TESK2: variants seen among roughly 807,000 people sequenced by gnomAD.
TESK2 encodes testis associated actin remodelling kinase 2.
In TESK2, 39 loss-of-function variants were observed where a neutral mutation model predicts 57.1. That is an observed-to-expected ratio of 0.68 (90% confidence interval 0.53 to 0.89). The LOEUF (loss-of-function observed/expected upper bound fraction) is 0.89, where lower values mean the gene tolerates loss of function less well. Among genes scored for constraint, TESK2 ranks in the 40% least tolerant of loss-of-function variants. TESK2 has a pLI of 0.00. For missense variants in TESK2, 646 were observed against 732.1 expected (o/e 0.88, Z 1.36); for synonymous variants, 249 against 267.9 (o/e 0.93, Z 0.69).
chr1:45,477,877 C>A (rs1653061476), intron 1 of TESK2, among the ~76,000 whole-genome samples: 1 of 152,178 alleles, frequency 6.6e-6, no homozygotes, highest in Non-Finnish European at 1.5e-5. Flanking sequence ...GTAGTGTTGA[C>A]TTTCTGCCTC....
At chr1:45,421,348 A>T (rs1388180735) in intron 3 of TESK2, among the ~76,000 whole-genome samples, 28 of 152,224 alleles carry the variant, frequency 1.8e-4, no homozygotes, top group Admixed American at 1.8e-3. Context: ...TTTTACATTT[A>T]TTGCCACTCA....
chr1:45,350,579 G>C (rs1298629545), intron 5 of TESK2, among the ~76,000 whole-genome samples: 1 of 152,242 alleles, frequency 6.6e-6, no homozygotes, highest in African/African-American at 2.4e-5. Context: ...AGGGAGATCA[G>C]TGACCGAACT....
chr1:45,429,226 C>T (rs906976957), intron 2 of TESK2, among the ~76,000 whole-genome samples: 8 of 152,036 alleles, frequency 5.3e-5, no homozygotes, highest in African/African-American at 1.7e-4. Flanking sequence ...TGGGGAAAAC[C>T]CATCTCTTAA....
At chr1:45,387,258 C>T (rs559261788) in intron 3 of TESK2, among the ~76,000 whole-genome samples, 25 of 152,196 alleles carry the variant, frequency 1.6e-4, no homozygotes, top group Non-Finnish European at 2.6e-4. Context: ...TAACTAAATG[C>T]TTACACACAG....
intron 2 of TESK2, among the ~76,000 whole-genome samples, chr1:45,455,221 A>T (rs962001370): frequency 6.6e-6 from 1 of 152,150 alleles, no homozygotes; most frequent in African/African-American, 2.4e-5. Flanking sequence ...CTATAACAGG[A>T]TCTCTGACAT....
rs1382210322 is a variant in TESK2 at position 45,479,800 on chromosome 1, G to A, written c.-87+11052C>T. 4.1e-5 allele frequency among the ~76,000 whole-genome samples: 6 copies of A among 146,066 alleles called. No homozygotes were observed. The Admixed American group carries it at 4.2e-4, about 10-fold the overall frequency. On this transcript the variant is annotated intron_variant, in intron 1 of 10. Transcript: ENST00000372086. ...GATTAAAAAAATAAAGGACTGAAATGCAGAAGGCCCTTCTTTTTTTTTTTT... is the reference window on the plus strand; with the variant it reads ...GATTAAAAAAATAAAGGACTGAAATACAGAAGGCCCTTCTTTTTTTTTTTT...
At chr1:45,481,083 C>T (rs1341833180) in intron 1 of TESK2, among the ~76,000 whole-genome samples, 1 of 148,818 alleles carries the variant, frequency 6.7e-6, no homozygotes, top group African/African-American at 2.5e-5. Flanking sequence ...AGTAAATAAG[C>T]GGCCGGGCCT....
chr1:45,442,357 T>C (rs1353242456), intron 2 of TESK2, among the ~76,000 whole-genome samples: 1 of 152,204 alleles, frequency 6.6e-6, no homozygotes, highest in East Asian at 1.9e-4. Flanking sequence ...TTTTATAGTT[T>C]TCACAATACA....
intron 1 of TESK2, among the ~76,000 whole-genome samples, chr1:45,488,129 G>A (rs957424658): frequency 6.6e-6 from 1 of 151,976 alleles, no homozygotes; most frequent in Non-Finnish European, 1.5e-5. Flanking sequence ...GCCCATGCTG[G>A]TCGCAAACTC....
chr1:45,354,954 C>T (rs1284026606), intron 5 of TESK2, among the ~76,000 whole-genome samples: 1 of 150,946 alleles, frequency 6.6e-6, no homozygotes, highest in Non-Finnish European at 1.5e-5. Context: ...GAGGCCAAGG[C>T]GGGTGGATTG....
intron 5 of TESK2, among the ~76,000 whole-genome samples, chr1:45,348,250 T>C (rs918719342): frequency 5.9e-5 from 9 of 152,218 alleles, no homozygotes; most frequent in African/African-American, 2.2e-4. Context: ...TCATCTTTGC[T>C]TTCTAAGTGC....
intron 4 of TESK2, among the ~76,000 whole-genome samples, chr1:45,373,199 T>C (rs1024422912): frequency 6.6e-6 from 1 of 152,074 alleles, no homozygotes; most frequent in African/African-American, 2.4e-5. Flanking sequence ...ATAGAGACTA[T>C]AGATTTAAAG....
chr1:45,395,911 T>C (rs1202787788), intron 3 of TESK2, among the ~76,000 whole-genome samples: 1 of 152,130 alleles, frequency 6.6e-6, no homozygotes, highest in African/African-American at 2.4e-5. Context: ...TATAAACGCT[T>C]GTTAGTCTTT....
chr1:45,420,708 C>T (rs895717669), intron 3 of TESK2, among the ~76,000 whole-genome samples: 1 of 151,776 alleles, frequency 6.6e-6, no homozygotes, highest in Non-Finnish European at 1.5e-5. Flanking sequence ...CCTCAGCCTC[C>T]CAAGTGGCTG....
chr1:45,417,677 T>C (rs983277219), intron 3 of TESK2, among the ~76,000 whole-genome samples: 1 of 151,992 alleles, frequency 6.6e-6, no homozygotes, highest in Non-Finnish European at 1.5e-5. Flanking sequence ...CTGCAAGCTC[T>C]GCCTCCAGGG....
intron 3 of TESK2, among the ~76,000 whole-genome samples, chr1:45,386,345 CAAAAAAAAA>C (rs11314981): frequency 0.011 from 510 of 46,018 alleles, 2 homozygotes; most frequent in African/African-American, 0.037. Context: ...GACTTTGACT[CAAAAAAAAA>C]AAAAAAAAAA....
At chr1:45,417,065 C>T (rs1264928374) in intron 3 of TESK2, among the ~76,000 whole-genome samples, 3 of 152,168 alleles carry the variant, frequency 2.0e-5, no homozygotes, top group African/African-American at 7.2e-5. Flanking sequence ...GGATTACAGG[C>T]ATGAGCCACT....
intron 1 of TESK2, among the ~76,000 whole-genome samples, chr1:45,489,239 C>T (rs1334053019): frequency 6.6e-6 from 1 of 152,008 alleles, no homozygotes; most frequent in African/African-American, 2.4e-5. Context: ...CTTTCTTTGG[C>T]TCCTATTATA....
intron 3 of TESK2, chr1:45,413,909 A>G (rs1181901992): frequency 4.4e-6 from 2 of 452,668 alleles, no homozygotes; most frequent in Non-Finnish European, 8.9e-6. Context: ...GCTTGAAAAT[A>G]GACTAAGAGC....
Sources: gnomAD v4.1 joint callset for allele counts (sites outside exome capture counted in the v4.1 genomes callset) on GRCh38, gnomAD v4.1.1 for gene constraint, MANE v1.5 for transcripts, NCBI Gene and HGNC (gene_info 2026-07-23, HGNC 2026-07-21) for gene names.